The following SUMF1 variants were observed in gnomAD, a reference collection of about 807,000 sequenced individuals.
The protein encoded by SUMF1 is formylglycine-generating enzyme.
In SUMF1, 48 loss-of-function variants were observed where a neutral mutation model predicts 47.6. The observed-to-expected ratio is 1.01, with a 90% confidence interval of 0.80 to 1.28. SUMF1 has a LOEUF of 1.28. Among genes scored for constraint, SUMF1 ranks in the 50% most tolerant of loss-of-function variants. The pLI is 0.00. For missense variants in SUMF1, 571 were observed against 485.4 expected, an observed-to-expected ratio of 1.18 and a Z score of -1.66; for synonymous variants, 230 against 192.1, an observed-to-expected ratio of 1.20 and a Z score of -1.63.
chr3:4,115,629 G>T (rs1366997082), intron 8 of SUMF1, among the ~76,000 whole-genome samples: 1 of 152,090 alleles, frequency 6.6e-6, no homozygotes, highest in Non-Finnish European at 1.5e-5. Flanking sequence ...CGCACCCTCT[G>T]CGAGGGGGAT....
At chr3:4,093,663 T>C (rs1267016763) in intron 8 of SUMF1, among the ~76,000 whole-genome samples, 3 of 151,962 alleles carry the variant, frequency 2.0e-5, no homozygotes, top group African/African-American at 4.8e-5. Flanking sequence ...GTACAGGATA[T>C]AGAGGGGAAA....
At chr3:4,130,675 G>A (rs539719719) in intron 8 of SUMF1, among the ~76,000 whole-genome samples, 3 of 152,080 alleles carry the variant, frequency 2.0e-5, no homozygotes, top group Non-Finnish European at 2.9e-5. Flanking sequence ...ATCCCCTCTA[G>A]GATGAAGGAT....
At chr3:4,200,257 T>A (rs1366144550) in intron 8 of SUMF1, among the ~76,000 whole-genome samples, 3 of 150,906 alleles carry the variant, frequency 2.0e-5, no homozygotes, top group Non-Finnish European at 2.9e-5. Context: ...GATACCTAGA[T>A]AGCTGGTGAA....
rs1485587959 is a variant in SUMF1, at chr3:4,342,905, G to A, written c.1014+33425C>T. Reference sequence around the variant, plus strand: ...CCTCTTTCCTCTTTCTCCTACAGGAGAGCTCAACATTATTCAAGTCCTCAT... The same window carrying A: ...CCTCTTTCCTCTTTCTCCTACAGGAAAGCTCAACATTATTCAAGTCCTCAT... On this transcript the variant is annotated intron_variant and NMD_transcript_variant, in intron 8 of 12. Coordinates refer to the SUMF1 transcript ENST00000448413. 2.0e-5 allele frequency among the ~76,000 whole-genome samples: 3 copies of A among 152,312 alleles called. No homozygotes were observed. In the East Asian group the frequency reaches 5.8e-4, roughly 29 times the overall value.
At position 4,211,199 on chromosome 3, in the gene SUMF1, C is replaced by CATATATATATATATATATATATATAT. The variant is rs3046224; in HGVS notation, c.1015-142455_1015-142454insATATATATATATATATATATATATAT. On this transcript the variant is annotated intron_variant and NMD_transcript_variant, in intron 8 of 12. Coordinates refer to the SUMF1 transcript ENST00000448413. ...ATATATATACATATACATATACATACATACATATATATATATATATATATA... is the reference window on the plus strand; with the variant it reads ...ATATATATACATATACATATACATACATATATATATATATATATATATATATATACATATATATATATATATATATA... Among the ~76,000 whole-genome samples, 11 of 85,030 alleles carry CATATATATATATATATATATATATAT rather than the reference C, an allele frequency of 1.3e-4. 1 individual carries two copies. The highest frequency in any genetic ancestry group is 2.3e-4 in the Non-Finnish European group (10 of 43,548). The allele number at this position is 85,030 out of a possible 152,430, so 55.8% of individuals were successfully genotyped here.
At chr3:4,162,662 G>A (rs938951257) in intron 8 of SUMF1, among the ~76,000 whole-genome samples, 2 of 152,138 alleles carry the variant, frequency 1.3e-5, no homozygotes, top group African/African-American at 4.8e-5. Flanking sequence ...CTGTCTTCAT[G>A]CCATGCGGCT....
chr3:4,355,078 A>T (rs139412635), intron 8 of SUMF1, among the ~76,000 whole-genome samples: 169 of 152,314 alleles, frequency 1.1e-3, no homozygotes, highest in African/African-American at 3.9e-3. Flanking sequence ...CGCCGGACAC[A>T]GTGGCTCACG....
chr3:4,200,373 C>A (rs568392807), intron 8 of SUMF1, among the ~76,000 whole-genome samples: 2 of 151,858 alleles, frequency 1.3e-5, no homozygotes, highest in African/African-American at 4.8e-5. Context: ...AGGGCACTCC[C>A]CACTCTGCTG....
intron 8 of SUMF1, among the ~76,000 whole-genome samples, chr3:4,182,373 A>T (rs1695114788): frequency 6.7e-6 from 1 of 149,828 alleles, no homozygotes; most frequent in Non-Finnish European, 1.5e-5. Context: ...CTTCCAAGTT[A>T]TATCTATTAA....
At chr3:4,168,485 A>G (rs192635426) in intron 8 of SUMF1, among the ~76,000 whole-genome samples, 2 of 152,310 alleles carry the variant, frequency 1.3e-5, no homozygotes, top group African/African-American at 4.8e-5. Flanking sequence ...TCATTAAACT[A>G]TTAGTAGGTG....
At chr3:4,034,684 C>T (rs1033921867) in intron 9 of SUMF1, among the ~76,000 whole-genome samples, 1 of 151,940 alleles carries the variant, frequency 6.6e-6, no homozygotes, top group African/African-American at 2.4e-5. Context: ...TGGCAGGCTC[C>T]ATGAGAAGTA....
intron 9 of SUMF1, among the ~76,000 whole-genome samples, chr3:4,063,287 A>G (rs1695303740): frequency 6.6e-6 from 1 of 152,116 alleles, no homozygotes. Context: ...TGAACACAGG[A>G]CCAAGAGCCA....
intron 8 of SUMF1, chr3:4,303,299 G>A (rs1698020409): frequency 1.4e-6 from 2 of 1,429,342 alleles, no homozygotes; most frequent in Non-Finnish European, 9.2e-7. Context: ...TGGGGCCACG[G>A]GACCACAAGT....
rs1196486087 is a variant in SUMF1, at chr3:4,256,499, T to G, written c.1014+119831A>C. Among the ~76,000 whole-genome samples, 47 of 145,614 alleles carry G rather than the reference T, an allele frequency of 3.2e-4. 1 individual carries two copies. Among genetic ancestry groups the G allele is most frequent in the African/African-American group, 1.1e-3 (44 of 39,060 alleles). ...AATACTACAAACACCTCTATGCAAA[T>G]AAACTAGAAAATCTAGAAGAAATGG... On this transcript the variant is annotated intron_variant and NMD_transcript_variant, in intron 8 of 12. Transcript: ENST00000448413.
chr3:4,315,496 C>A (rs1482659827), intron 8 of SUMF1, among the ~76,000 whole-genome samples: 1 of 152,146 alleles, frequency 6.6e-6, no homozygotes, highest in Non-Finnish European at 1.5e-5. Context: ...TGAATATGGA[C>A]CCCTGGAAAT....
At chr3:4,273,690 A>AG (rs1467671740) in intron 8 of SUMF1, among the ~76,000 whole-genome samples, 2 of 101,246 alleles carry the variant, frequency 2.0e-5, no homozygotes, top group East Asian at 6.1e-4. Flanking sequence ...GAAGGAAGGG[A>AG]GGGAGGATAC....
At chr3:4,071,991 T>G (rs1454795039) in intron 8 of SUMF1, among the ~76,000 whole-genome samples, 1 of 152,208 alleles carries the variant, frequency 6.6e-6, no homozygotes, top group African/African-American at 2.4e-5. Context: ...CCTGTGTACC[T>G]GACTGAGAGA....
chr3:4,310,962 A>G (rs1318674531), intron 8 of SUMF1, among the ~76,000 whole-genome samples: 2 of 152,246 alleles, frequency 1.3e-5, no homozygotes, highest in Non-Finnish European at 2.9e-5. Flanking sequence ...AGCTGAAAGT[A>G]GATTCTCTAT....
In SUMF1 at chr3:4,331,609, C is replaced by T. The variant is rs1699053182; in HGVS notation, c.1014+44721G>A. On this transcript the variant is annotated intron_variant and NMD_transcript_variant, in intron 8 of 12. Transcript: ENST00000448413. ...TTGGGAGGCTGAAGTGGGTGGATCA[C>T]CTGAGGTCAGGAGTTCAAGTCCAGA... Among the ~76,000 whole-genome samples the T allele has an allele frequency of 2.6e-5, 4 of 152,126 alleles. No individual in the cohort carries two copies. In the South Asian group the frequency reaches 8.3e-4, roughly 32 times the overall value.
Sources: gnomAD v4.1 joint callset for allele counts (sites outside exome capture counted in the v4.1 genomes callset) on GRCh38, gnomAD v4.1.1 for gene constraint, MANE v1.5 for transcripts, NCBI Gene and HGNC (gene_info 2026-07-23, HGNC 2026-07-21) for gene names.